Variants in PRDM16 observed in about 807,000 individuals in gnomAD.
The protein encoded by PRDM16 is histone-lysine N-methyltransferase PRDM16.
PRDM16 carries 23 observed loss-of-function variants against 110.6 expected under a neutral mutation model. The observed-to-expected ratio is 0.21, with a 90% confidence interval of 0.15 to 0.29. The LOEUF is 0.29. Ranked by LOEUF, PRDM16 falls within the 10% of genes least tolerant of loss-of-function variation. PRDM16 has a pLI of 1.00. For synonymous variants in PRDM16, 799 were observed against 781.8 expected, an observed-to-expected ratio of 1.02 and a Z score of -0.37; for missense variants, 1,615 against 1,794.3, an observed-to-expected ratio of 0.90 and a Z score of 1.81.
rs548378384 is a variant in PRDM16 at position 3,168,416 on chromosome 1, G to A, written c.38-17709G>A. On this transcript the variant is annotated intron_variant, in intron 1 of 16. Coordinates refer to ENST00000270722, the MANE Select transcript of PRDM16 (RefSeq NM_022114.4). Reference sequence around the variant, plus strand: ...ACCAGCATCACACAAGTGAGCAAGTGGCTCTTTCCAATCTTACAACCCCCG... The same window carrying A: ...ACCAGCATCACACAAGTGAGCAAGTAGCTCTTTCCAATCTTACAACCCCCG... Among the ~76,000 whole-genome samples the A allele has an allele frequency of 2.8e-4, 41 of 147,870 alleles. 1 individual carries two copies. Among genetic ancestry groups the A allele is most frequent in the African/African-American group, 9.8e-4 (39 of 39,706 alleles).
In PRDM16 at chr1:3,268,267, G is replaced by A. The variant is rs148548869; in HGVS notation, c.438+24130G>A. Among the ~76,000 whole-genome samples, 725 of 152,358 alleles carry A rather than the reference G, an allele frequency of 4.8e-3. 1 individual carries two copies. Among genetic ancestry groups the A allele is most frequent in the South Asian group, 0.015 (72 of 4,832 alleles). On this transcript the variant is annotated intron_variant, in intron 3 of 16. Transcript: ENST00000270722. The stretch of plus-strand genomic sequence containing the variant: ...TTGTCTCCGCTAATCCACGGGGGAA[G>A]GAGAAGGGCAGAGTCTTTGTCAGGC...
intron 3 of PRDM16, among the ~76,000 whole-genome samples, chr1:3,334,292 G>A (rs987948792): frequency 1.3e-4 from 20 of 151,972 alleles, no homozygotes; most frequent in African/African-American, 4.3e-4. Flanking sequence ...AGGGATTGCC[G>A]GGGTTGGATG....
At chr1:3,131,460 C>T (rs980984998) in intron 1 of PRDM16, among the ~76,000 whole-genome samples, 1 of 152,122 alleles carries the variant, frequency 6.6e-6, no homozygotes, top group African/African-American at 2.4e-5. Flanking sequence ...TTTGTAGTTC[C>T]ATTCACAGAG....
intron 1 of PRDM16, among the ~76,000 whole-genome samples, chr1:3,169,777 C>A (rs1644004126): frequency 6.6e-6 from 1 of 152,214 alleles, no homozygotes; most frequent in Non-Finnish European, 1.5e-5. Flanking sequence ...CTGGGCTCCC[C>A]CGCAGCCCCT....
intron 1 of PRDM16, among the ~76,000 whole-genome samples, chr1:3,121,042 T>C (rs373115926): frequency 1.0e-3 from 157 of 152,294 alleles, no homozygotes; most frequent in African/African-American, 3.7e-3. Context: ...GAGCGTGTGG[T>C]TTCTCCCCCT....
intron 3 of PRDM16, among the ~76,000 whole-genome samples, chr1:3,288,852 C>T (rs888935748): frequency 8.5e-5 from 13 of 152,122 alleles, no homozygotes; most frequent in African/African-American, 2.9e-4. Context: ...GCTGCCCCTT[C>T]TGGGGGAGGA....
chr1:3,088,450 T>G (rs1025541414), intron 1 of PRDM16, among the ~76,000 whole-genome samples: 1 of 149,430 alleles, frequency 6.7e-6, no homozygotes, highest in Non-Finnish European at 1.5e-5. Flanking sequence ...ATTCTTTTAT[T>G]ATTTATTTAT....
chr1:3,361,112 A>G (rs1037727709), intron 3 of PRDM16, among the ~76,000 whole-genome samples: 5 of 152,252 alleles, frequency 3.3e-5, no homozygotes, highest in Non-Finnish European at 7.3e-5. Context: ...TTTAAGAGGC[A>G]GCATTCCTCG....
chr1:3,245,545 G>A lies in PRDM16; in HGVS notation c.438+1408G>A, dbSNP rs1169641556. Among the ~76,000 whole-genome samples, 1 of 152,200 alleles carries A rather than the reference G, an allele frequency of 6.6e-6. No individual in the cohort carries two copies. The highest frequency in any genetic ancestry group is 6.5e-5 in the Admixed American group (1 of 15,284). On this transcript the variant is annotated intron_variant, in intron 3 of 16. Transcript: ENST00000270722. This position sits in a 1 kb window ranked among gnomAD's most constrained non-coding sequence, Gnocchi z 4.7. ...GTTCCCGTGTCCCTCCCCGTCGCTG[G>A]TGTGGCTGTGTCTGGCCTCCTGGGG... is the stretch of plus-strand genomic sequence containing the variant.
In PRDM16 at chr1:3,431,121, G is replaced by A. The variant is rs753955734; in HGVS notation, c.3521+13G>A. ...ACCACACCCGAAGGTGGGGGCAGCC[G>A]TGTGCTCCAGGATGGGGCAGGGAGG... On this transcript the variant is annotated intron_variant, in intron 15 of 16. Coordinates refer to ENST00000270722, the MANE Select transcript of PRDM16 (RefSeq NM_022114.4). The A allele has an allele frequency of 5.2e-6, 8 of 1,548,552 alleles. No homozygotes were observed. Among genetic ancestry groups the A allele is most frequent in the South Asian group, 1.2e-5 (1 of 84,030 alleles).
At chr1:3,077,375 C>G (rs1641924138) in intron 1 of PRDM16, among the ~76,000 whole-genome samples, 1 of 152,214 alleles carries the variant, frequency 6.6e-6, no homozygotes, top group South Asian at 2.1e-4. Context: ...GCTGCTGGCC[C>G]CCTCCCTCAC....
chr1:3,244,056 AC>A lies in PRDM16; in HGVS notation c.388-30del, dbSNP rs756892045. 1 of 1,611,762 alleles carries A rather than the reference AC, an allele frequency of 6.2e-7. No homozygotes were observed. The highest frequency in any genetic ancestry group is 1.7e-5 in the Admixed American group (1 of 60,012). On this transcript the variant is annotated intron_variant, in intron 2 of 16. Transcript: ENST00000270722. This position sits in a 1 kb window ranked among gnomAD's most constrained non-coding sequence, Gnocchi z 4.1. ...GTAGCTTGAGAATGTTTTATCAGAA[AC>A]TAACAACCCCTCTCAAAATTGTTTT... is the stretch of plus-strand genomic sequence containing the variant.
intron 1 of PRDM16, among the ~76,000 whole-genome samples, chr1:3,118,444 G>A (rs1326307770): frequency 1.3e-5 from 2 of 152,168 alleles, no homozygotes; most frequent in African/African-American, 2.4e-5. Context: ...CAGGACCTAA[G>A]CTGGCAAGGG....
chr1:3,215,226 A>G (rs936711842), intron 2 of PRDM16, among the ~76,000 whole-genome samples: 6 of 152,170 alleles, frequency 3.9e-5, no homozygotes, highest in Admixed American at 6.5e-5. Flanking sequence ...CTGTCATTCA[A>G]TAAACAGGAT....
At chr1:3,227,968 G>A (rs1333977725) in intron 2 of PRDM16, among the ~76,000 whole-genome samples, 2 of 152,200 alleles carry the variant, frequency 1.3e-5, no homozygotes, top group East Asian at 1.9e-4. Context: ...TCTCTGTTTC[G>A]AGCCGTGGGC....
At chr1:3,239,383 G>A (rs1009789470) in intron 2 of PRDM16, among the ~76,000 whole-genome samples, 17 of 152,078 alleles carry the variant, frequency 1.1e-4, no homozygotes, top group Non-Finnish European at 2.1e-4. Context: ...ACTGTGTCCA[G>A]CAGAACCCTG....
At chr1:3,086,726 G>A (rs1470110671) in intron 1 of PRDM16, among the ~76,000 whole-genome samples, 3 of 152,256 alleles carry the variant, frequency 2.0e-5, no homozygotes, top group South Asian at 2.1e-4. Flanking sequence ...GCTTCCTTTC[G>A]GAGCTAACGA....
chr1:3,205,457 G>A (rs1173676023), intron 2 of PRDM16, among the ~76,000 whole-genome samples: 8 of 152,060 alleles, frequency 5.3e-5, no homozygotes, highest in South Asian at 2.1e-4. Flanking sequence ...ATTGGAAGGA[G>A]GAGAGAAACC....
chr1:3,373,360 G>T (rs547144172), intron 3 of PRDM16, among the ~76,000 whole-genome samples: 64 of 152,314 alleles, frequency 4.2e-4, no homozygotes, highest in African/African-American at 1.5e-3. Context: ...GCGTGCCTTT[G>T]CGGTGACCCA....
Sources: allele counts gnomAD v4.1 joint callset (sites outside exome capture counted in the v4.1 genomes callset), GRCh38; gene constraint gnomAD v4.1.1; non-coding constraint Gnocchi (gnomAD v3.1); transcripts MANE v1.5; gene names NCBI Gene and HGNC (gene_info 2026-07-23, HGNC 2026-07-21).